The following GFRA1 variants were observed in gnomAD, a reference collection of about 807,000 sequenced individuals.
GFRA1 encodes GDNF family receptor alpha-1.
In GFRA1, 16 loss-of-function variants were observed where a neutral mutation model predicts 51.6. The ratio of observed to expected loss-of-function variants is 0.31; its 90% CI spans 0.21 to 0.47. GFRA1 has a LOEUF of 0.47. GFRA1 is among the 20% of genes least tolerant of loss of function. GFRA1 has a pLI of 1.00. For missense variants in GFRA1, 530 were observed against 594.3 expected (o/e 0.89, Z 1.13); for synonymous variants, 270 against 241.3 (o/e 1.12, Z -1.10).
chr10:116,099,118 A>G (rs1182670812), intron 6 of GFRA1, among the ~76,000 whole-genome samples: 2 of 152,200 alleles, frequency 1.3e-5, no homozygotes, highest in African/African-American at 4.8e-5. Context: ...TAGGATTCAC[A>G]TGTTACGGAT....
chr10:116,210,988 T>C (rs1250671032), intron 5 of GFRA1, among the ~76,000 whole-genome samples: 2 of 152,172 alleles, frequency 1.3e-5, no homozygotes, highest in South Asian at 2.1e-4. Context: ...CAGAGCACAA[T>C]TGCTCTGCAT....
chr10:116,171,218 T>C (rs1390435932), intron 5 of GFRA1, among the ~76,000 whole-genome samples: 1 of 152,212 alleles, frequency 6.6e-6, no homozygotes, highest in Admixed American at 6.5e-5. Context: ...TGAATGTTAA[T>C]TTATCATGAA....
intron 9 of GFRA1, among the ~76,000 whole-genome samples, chr10:116,073,816 C>T (rs575923261): frequency 3.9e-5 from 6 of 152,136 alleles, no homozygotes; most frequent in African/African-American, 7.2e-5. Context: ...AGTGCGGCCC[C>T]GTAATGGCTC....
At chr10:116,087,667 G>C (rs886151142) in intron 9 of GFRA1, among the ~76,000 whole-genome samples, 1 of 152,144 alleles carries the variant, frequency 6.6e-6, no homozygotes, top group Non-Finnish European at 1.5e-5. Context: ...TATGATAATA[G>C]GATCCTGCCC....
chr10:116,234,233 C>CT (rs1251215591), intron 4 of GFRA1, among the ~76,000 whole-genome samples: 1 of 152,136 alleles, frequency 6.6e-6, no homozygotes, highest in Admixed American at 6.5e-5. Flanking sequence ...CCTGGAAAAA[C>CT]TAGATATGGA....
chr10:116,113,549 C>T (rs1239091135), intron 6 of GFRA1, among the ~76,000 whole-genome samples: 1 of 152,186 alleles, frequency 6.6e-6, no homozygotes, highest in African/African-American at 2.4e-5. Flanking sequence ...AAAGTCACCA[C>T]CGGTATCCAA....
intron 5 of GFRA1, among the ~76,000 whole-genome samples, chr10:116,149,578 T>C (rs1958979492): frequency 6.6e-6 from 1 of 152,210 alleles, no homozygotes; most frequent in Non-Finnish European, 1.5e-5. Context: ...CGTTGATACA[T>C]CATTACTGAT....
chr10:116,215,642 G>C (rs1011124122), intron 4 of GFRA1, among the ~76,000 whole-genome samples: 1 of 152,160 alleles, frequency 6.6e-6, no homozygotes. Context: ...AATAAGACTC[G>C]GGGCCATCTT....
At chr10:116,218,056 C>A (rs1323594469) in intron 4 of GFRA1, among the ~76,000 whole-genome samples, 1 of 152,112 alleles carries the variant, frequency 6.6e-6, no homozygotes, top group East Asian at 1.9e-4. Flanking sequence ...TCAGATATTA[C>A]CTATGAATGG....
chr10:116,057,990 TTGTGTGTGTGTGTGTGTGTGTG>T lies in GFRA1; in HGVS notation c.*6386_*6407del, dbSNP rs56263127. On this transcript the variant is annotated 3_prime_UTR_variant, in exon 11 of 11. Transcript: ENST00000355422. The stretch of plus-strand genomic sequence containing the variant: ...GCTGGATCATATAGCCCTCCAATCA[TTGTGTGTGTGTGTGTGTGTGTG>T]TGTGTGTGTGTGTGTGTGTGTGTGT... The T allele has an allele frequency of 4.1e-3, 534 of 129,104 alleles. 4 individuals carry two copies. The highest frequency in any genetic ancestry group is 0.014 in the African/African-American group (474 of 34,124). The allele number at this position is 129,104 out of a possible 1,614,324, so 8.0% of individuals were successfully genotyped here.
intron 9 of GFRA1, among the ~76,000 whole-genome samples, chr10:116,088,457 C>T (rs951867723): frequency 3.3e-5 from 5 of 152,118 alleles, no homozygotes; most frequent in East Asian, 1.9e-4. Context: ...ACAGAAAGAA[C>T]GAGGCTCCTG....
chr10:116,109,690 T>C (rs1957131892), intron 6 of GFRA1, among the ~76,000 whole-genome samples: 1 of 152,102 alleles, frequency 6.6e-6, no homozygotes, highest in Non-Finnish European at 1.5e-5. Context: ...CCAAGCAGCC[T>C]TCCTTCACCG....
chr10:116,214,494 A>T (rs1338862665), intron 4 of GFRA1, among the ~76,000 whole-genome samples: 1 of 152,210 alleles, frequency 6.6e-6, no homozygotes. Context: ...AGTCCCAGAC[A>T]GTTCAGAGAT....
At chr10:116,194,448 G>C (rs760687024) in intron 5 of GFRA1, among the ~76,000 whole-genome samples, 1 of 152,130 alleles carries the variant, frequency 6.6e-6, no homozygotes, top group Non-Finnish European at 1.5e-5. Context: ...TGAAGAAATC[G>C]AAAGGGAGTT....
At chr10:116,225,945 C>T (rs1484606206) in intron 4 of GFRA1, among the ~76,000 whole-genome samples, 1 of 152,108 alleles carries the variant, frequency 6.6e-6, no homozygotes, top group Non-Finnish European at 1.5e-5. Flanking sequence ...ATATTTTGAA[C>T]GTGGTACTGG....
Position 116,059,926 on chromosome 10 carries a change from C to G in GFRA1, c.*4472G>C, listed in dbSNP as rs1954722511. 6.6e-6 allele frequency: 1 copy of G among 152,094 alleles called. No homozygotes were observed. Among genetic ancestry groups the G allele is most frequent in the Admixed American group, 6.5e-5 (1 of 15,274 alleles). 9.4% of individuals were successfully genotyped at this position (152,094 alleles called of 1,614,324 possible). A position where few individuals can be genotyped will look rare whatever the true frequency, so the allele number is the denominator to read the frequency against. On this transcript the variant is annotated 3_prime_UTR_variant, in exon 11 of 11. Transcript: ENST00000355422. Reference sequence around the variant, plus strand: ...TGTTGGAACAAAAATTAATTTGGGTCAAACTAAATTTAGAGCTATTACGAT... The same window carrying G: ...TGTTGGAACAAAAATTAATTTGGGTGAAACTAAATTTAGAGCTATTACGAT...
intron 5 of GFRA1, among the ~76,000 whole-genome samples, chr10:116,201,043 A>C (rs919560140): frequency 6.6e-6 from 1 of 152,162 alleles, no homozygotes; most frequent in Non-Finnish European, 1.5e-5. Flanking sequence ...AAAGAGCTGC[A>C]ATGACTTCCT....
chr10:116,256,494 A>T (rs1968867033), intron 4 of GFRA1, among the ~76,000 whole-genome samples: 1 of 152,138 alleles, frequency 6.6e-6, no homozygotes, highest in Non-Finnish European at 1.5e-5. Flanking sequence ...ACAATGTCAT[A>T]ACATAGCATG....
At chr10:116,184,014 C>T (rs928297442) in intron 5 of GFRA1, among the ~76,000 whole-genome samples, 16 of 152,232 alleles carry the variant, frequency 1.1e-4, no homozygotes, top group African/African-American at 2.9e-4. Context: ...CACTCCAGGG[C>T]ACTGGCTGCT....
Sources: allele counts gnomAD v4.1 joint callset (sites outside exome capture counted in the v4.1 genomes callset), GRCh38; gene constraint gnomAD v4.1.1; transcripts MANE v1.5; gene names NCBI Gene and HGNC (gene_info 2026-07-23, HGNC 2026-07-21).